VPS16: variants seen among roughly 807,000 people sequenced by gnomAD.
VPS16 encodes VPS16 core subunit of CORVET and HOPS complexes.
Under a neutral mutation model 116.0 loss-of-function variants are expected in VPS16, and 82 were observed. The ratio of observed to expected loss-of-function variants is 0.71; its 90% confidence interval spans 0.59 to 0.85. The LOEUF (loss-of-function observed/expected upper bound fraction) is 0.85. Ranked by LOEUF, VPS16 falls within the 40% of genes least tolerant of loss-of-function variation. VPS16 has a pLI of 0.00. For synonymous variants in VPS16, 406 were observed against 420.7 expected (o/e 0.96, Z 0.43); for missense variants, 928 against 1,090.6 (o/e 0.85, Z 2.10).
At chr20:2,859,697 C>T in intron 1 of VPS16, 22 bp from the exon 2 acceptor site, 1 of 1,612,500 alleles carries the variant, frequency 6.2e-7, no homozygotes, top group Non-Finnish European at 8.5e-7. Flanking sequence ...AGGCTAATTT[C>T]TGCTCATCTC....
Position 2,865,151 on chromosome 20 carries a change from A to G in VPS16, c.2008A>G (p.Thr670Ala), listed in dbSNP as rs2089310199. The change falls in exon 21 of 24, where the codon ACA becomes GCA. Residue 670 changes from threonine to alanine, a missense_variant. By Grantham distance (58) the Thr-to-Ala change is moderately conservative. Transcript: ENST00000380445. This position sits in a 1 kb window ranked among gnomAD's most constrained non-coding sequence, Gnocchi z 5.2. ...KAKNEFAAKA[T>A]EDQMRLLRLQ... ...GCCTCATTATCCGGGTCCCCAGGCT[A>G]CAGAGGATCAAATGCGGCTCCTACG... 6.2e-7 allele frequency: 1 copy of G among 1,613,940 alleles called. No individual in the cohort carries two copies. Among genetic ancestry groups the G allele is most frequent in the African/African-American group, 1.3e-5 (1 of 74,878 alleles).
At chr20:2,862,775 G>A in intron 12 of VPS16, 32 bp from the exon 13 acceptor site, 2 of 1,612,996 alleles carry the variant, frequency 1.2e-6, no homozygotes, top group Non-Finnish European at 1.7e-6. Context: ...CAGCAGGGAA[G>A]CTCTCTCCTA....
chr20:2,840,745 G>T lies in VPS16; in HGVS notation c.-30G>T, dbSNP rs773252998. Reference sequence around the variant, plus strand: ...GCCCGCTCTAGGTGGGTGTCCCCTCGGTGCTTCCCAGCTGCCGTCTGCACC... The same window carrying T: ...GCCCGCTCTAGGTGGGTGTCCCCTCTGTGCTTCCCAGCTGCCGTCTGCACC... On this transcript the variant is annotated 5_prime_UTR_variant, in exon 1 of 24. Transcript: ENST00000380445. 4.5e-6 allele frequency: 7 copies of T among 1,547,668 alleles called. No individual in the cohort carries two copies. In the Admixed American group the frequency reaches 5.9e-5, roughly 13 times the overall value.
chr20:2,854,960 ATTT>A lies in VPS16; in HGVS notation c.54-4743_54-4741del, dbSNP rs547295825. 4.0e-4 allele frequency among the ~76,000 whole-genome samples: 44 copies of A among 110,124 alleles called. 1 individual carries two copies. Among genetic ancestry groups the A allele is most frequent in the African/African-American group, 1.5e-3 (39 of 25,710 alleles). 72.2% of individuals were successfully genotyped at this position (110,124 alleles called of 152,430 possible). A position where few individuals can be genotyped will look rare whatever the true frequency, so the allele number is the denominator to read the frequency against. ...CCAGATACGTTGTCAATGAGCAGTA[ATTT>A]TTTTTTTTTTTTTTTGAGATGGAAT... On this transcript the variant is annotated intron_variant, in intron 1 of 23. Coordinates refer to ENST00000380445, the MANE Select transcript of VPS16 (RefSeq NM_022575.4).
At chr20:2,847,757 G>T (rs952041617) in intron 1 of VPS16, among the ~76,000 whole-genome samples, 1 of 151,478 alleles carries the variant, frequency 6.6e-6, no homozygotes, top group East Asian at 1.9e-4. Flanking sequence ...GATTACAGGC[G>T]TGAGCCACCG....
intron 1 of VPS16, among the ~76,000 whole-genome samples, chr20:2,857,314 T>G (rs2089181313): frequency 6.6e-6 from 1 of 152,226 alleles, no homozygotes; most frequent in Non-Finnish European, 1.5e-5. Flanking sequence ...TGCATTACCC[T>G]TCCACTGGCC....
In VPS16 at chr20:2,840,768, A is replaced by T; in HGVS notation, c.-7A>T. 1.3e-6 allele frequency: 2 copies of T among 1,547,944 alleles called. No individual in the cohort carries two copies. Among genetic ancestry groups the T allele is most frequent in the Non-Finnish European group, 1.7e-6 (2 of 1,146,502 alleles). ...TCGGTGCTTCCCAGCTGCCGTCTGC[A>T]CCAGCCATGGACTGCTACACGGCGA... is the stretch of plus-strand genomic sequence containing the variant. On this transcript the variant is annotated 5_prime_UTR_variant, in exon 1 of 24. Coordinates refer to ENST00000380445, the MANE Select transcript of VPS16 (RefSeq NM_022575.4).
chr20:2,860,033 AG>A lies in VPS16; in HGVS notation c.143-19del, dbSNP rs1265602176. On this transcript the variant is annotated intron_variant, in intron 2 of 23. Coordinates refer to ENST00000380445, the MANE Select transcript of VPS16 (RefSeq NM_022575.4). This position sits in a 1 kb window ranked among gnomAD's most constrained non-coding sequence, Gnocchi z 6.1. ...GGTGGGCCTAGGGAGCTAGGACAGA[AG>A]GTCTCTTCTCAAACTGCAGCACTGC... The A allele has an allele frequency of 2.5e-6, 4 of 1,613,776 alleles. No homozygotes were observed. The highest frequency in any genetic ancestry group is 3.4e-6 in the Non-Finnish European group (4 of 1,179,938).
At position 2,864,958 on chromosome 20, in the gene VPS16, C is replaced by T. The variant is rs201291152; in HGVS notation, c.1927-20C>T. The T allele has an allele frequency of 1.1e-5, 18 of 1,614,106 alleles. No homozygotes were observed. The East Asian group carries it at 3.6e-4, about 32-fold the overall frequency. On this transcript the variant is annotated intron_variant, in intron 19 of 23. Coordinates refer to ENST00000380445, the MANE Select transcript of VPS16 (RefSeq NM_022575.4). This position sits in a 1 kb window ranked among gnomAD's most constrained non-coding sequence, Gnocchi z 5.2. ...GGTCCTGCATGCTGTGAGTTCAGGCCTTCCTTCTTGTCTTTATAGCGTATT... is the reference window on the plus strand; with the variant it reads ...GGTCCTGCATGCTGTGAGTTCAGGCTTTCCTTCTTGTCTTTATAGCGTATT...
chr20:2,859,908 C>T (rs981673572), intron 2 of VPS16, 101 bp downstream of exon 2: 2 of 1,467,962 alleles, frequency 1.4e-6, no homozygotes, highest in Admixed American at 1.8e-5. Context: ...GTTGCCACCC[C>T]CCACTCACCC....
In VPS16 at chr20:2,863,393, T is replaced by C. The variant is rs1212621086; in HGVS notation, c.1471T>C (p.Tyr491His). The stretch of plus-strand genomic sequence containing the variant: ...CAGGATCCTGGCCCACTGGGCCTGC[T>C]ACAAGGCAAGGATGTGGGATGGGGT... ...VSRILAHWAC[Y>H]KVQQKDVSDE... The change falls in exon 15 of 24, where the codon TAC becomes CAC. Residue 491 changes from tyrosine (Y) to histidine (H), a missense_variant. Transcript: ENST00000380445. This position sits in a 1 kb window ranked among gnomAD's most constrained non-coding sequence, Gnocchi z 4.4. 1.2e-6 allele frequency: 2 copies of C among 1,613,944 alleles called. No homozygotes were observed.
intron 7 of VPS16, 45 bp from the exon 8 acceptor site, chr20:2,861,180 G>A (rs1431338599): frequency 6.2e-7 from 1 of 1,614,198 alleles, no homozygotes; most frequent in Admixed American, 1.7e-5. Context: ...CGACTAGAAT[G>A]GTGACTGCTG....
rs2089160708 is a variant in VPS16, at chr20:2,855,124, C to G, written c.54-4595C>G. Among the ~76,000 whole-genome samples, 2 of 151,840 alleles carry G rather than the reference C, an allele frequency of 1.3e-5. 1 individual carries two copies. Among genetic ancestry groups the G allele is most frequent in the Admixed American group, 1.3e-4 (2 of 15,242 alleles). ...CACAGGCGCACTCCACCATGCCCGG[C>G]TAATTTTTGTATTTTTAGTAGAGGC... On this transcript the variant is annotated intron_variant, in intron 1 of 23. Transcript: ENST00000380445.
At position 2,860,020 on chromosome 20, in the gene VPS16, G is replaced by GAGCTAGGA; in HGVS notation, c.143-33_143-26dup. On this transcript the variant is annotated intron_variant, in intron 2 of 23. Transcript: ENST00000380445. The surrounding 1 kb of genome is among the most constrained non-coding windows in gnomAD (Gnocchi z 6.1). Reference sequence around the variant, plus strand: ...CTGCTTCACATGGGGTGGGCCTAGGGAGCTAGGACAGAAGGTCTCTTCTCA... The same window carrying GAGCTAGGA: ...CTGCTTCACATGGGGTGGGCCTAGGGAGCTAGGAAGCTAGGACAGAAGGTCTCTTCTCA... 6.2e-7 allele frequency: 1 copy of GAGCTAGGA among 1,611,356 alleles called. No homozygotes were observed. Among genetic ancestry groups the GAGCTAGGA allele is most frequent in the East Asian group, 2.2e-5 (1 of 44,866 alleles).
chr20:2,862,759 G>GGGGGGGGGGGGGGGGGGGGGGGGGGGC (rs2146670407), intron 12 of VPS16, 48 bp from the exon 13 acceptor site: 4 of 777,194 alleles, frequency 5.1e-6, no homozygotes, highest in East Asian at 4.7e-5. Flanking sequence ...GAGGGGGTGG[G>GGGGGGGGGGGGGGGGGGGGGGGGGGGC]ATGGGCAGCA....
chr20:2,846,183 C>A (rs1243794899), intron 1 of VPS16, among the ~76,000 whole-genome samples: 2 of 133,472 alleles, frequency 1.5e-5, no homozygotes, highest in African/African-American at 5.7e-5. Flanking sequence ...GTGGCGCGAT[C>A]TCAGCTCACT....
In VPS16 at chr20:2,865,093, T is replaced by A; in HGVS notation, c.2004+38T>A. 1 of 1,614,162 alleles carries A rather than the reference T, an allele frequency of 6.2e-7. No homozygotes were observed. ...TTTTTCCAAGAGCCTCCTCGTCTCC[T>A]GGTCTTCCCTCCTGGTCCCTCATCC... On this transcript the variant is annotated intron_variant, in intron 20 of 23. Transcript: ENST00000380445. This position sits in a 1 kb window ranked among gnomAD's most constrained non-coding sequence, Gnocchi z 5.2.
intron 1 of VPS16, among the ~76,000 whole-genome samples, chr20:2,845,360 T>C (rs1293532739): frequency 6.6e-6 from 1 of 152,132 alleles, no homozygotes; most frequent in Non-Finnish European, 1.5e-5. Flanking sequence ...AGCTTGGTTC[T>C]AGATACATTG....
chr20:2,840,982 TTGGGC>T, intron 1 of VPS16, 155 bp downstream of exon 1: 1 of 703,176 alleles, frequency 1.4e-6, no homozygotes, highest in East Asian at 2.9e-5. Context: ...ACAGCCGCCT[TTGGGC>T]AGGGAGCCGG....
Sources: allele counts gnomAD v4.1 joint callset (sites outside exome capture counted in the v4.1 genomes callset), GRCh38; gene constraint gnomAD v4.1.1; non-coding constraint Gnocchi (gnomAD v3.1); transcripts MANE v1.5; gene names NCBI Gene and HGNC (gene_info 2026-07-23, HGNC 2026-07-21).